The following NR2E3 variants were observed in gnomAD, a reference collection of about 807,000 sequenced individuals.
NR2E3 encodes nuclear receptor subfamily 2 group E member 3.
In NR2E3, 38 loss-of-function variants were observed where a neutral mutation model predicts 37.6. That is an observed-to-expected ratio of 1.01 (90% CI 0.78 to 1.33). The LOEUF (loss-of-function observed/expected upper bound fraction) is 1.33, where lower values mean the gene tolerates loss of function less well. NR2E3 is among the 40% of genes most tolerant of loss of function. The probability of loss-of-function intolerance (pLI) is 0.00; values close to 1 mark genes in which losing one functional copy is unlikely to be tolerated. For missense variants in NR2E3, 562 were observed against 558.7 expected (o/e 1.01, Z -0.06); for synonymous variants, 235 against 225.1 (o/e 1.04, Z -0.39).
chr15:71,812,258 C>T, intron 4 of NR2E3, 78 bp from the exon 5 acceptor site: 1 of 1,609,658 alleles, frequency 6.2e-7, no homozygotes, highest in Non-Finnish European at 8.5e-7. Context: ...CCTTGATCCT[C>T]CCTCCCCCGG....
Position 71,811,457 on chromosome 15 carries a change from G to GCCCAGCCCTGCCCCCTGC in NR2E3, c.119-22_119-5dup. ...CCTGCCCCGGCCCAGCCCTGCCCTG[G>GCCCAGCCCTGCCCCCTGC]CCCAGCCCTGCCCCCTGCCCCTCAG... On this transcript the variant is annotated intron_variant, in intron 1 of 7. Coordinates refer to ENST00000617575, the MANE Select transcript of NR2E3 (RefSeq NM_014249.4). The surrounding 1 kb of genome is among the most constrained non-coding windows in gnomAD (Gnocchi z 5.6). 2.0e-6 allele frequency: 3 copies of GCCCAGCCCTGCCCCCTGC among 1,536,322 alleles called. No individual in the cohort carries two copies. Among genetic ancestry groups the GCCCAGCCCTGCCCCCTGC allele is most frequent in the South Asian group, 1.2e-5 (1 of 83,846 alleles).
rs754663006 is a variant in NR2E3 at position 71,812,471 on chromosome 15, A to C, written c.707A>C (p.Lys236Thr). The change falls in exon 5 of 8, where the codon AAG becomes ACG. Residue 236 changes from lysine (K) to threonine (T), a missense_variant. Coordinates refer to ENST00000617575, the MANE Select transcript of NR2E3 (RefSeq NM_014249.4). ...RLLFMAVKWA[K>T]NLPVFSSLPF... is the part of the protein sequence containing the mutation. Reference sequence around the variant, plus strand: ...CTCTTCATGGCCGTCAAGTGGGCCAAGAACCTGCCTGTGTTCTCCAGCCTG... The same window carrying C: ...CTCTTCATGGCCGTCAAGTGGGCCACGAACCTGCCTGTGTTCTCCAGCCTG... The C allele has an allele frequency of 6.8e-6, 11 of 1,613,620 alleles. No individual in the cohort carries two copies. The highest frequency in any genetic ancestry group is 4.4e-5 in the South Asian group (4 of 91,076).
At chr15:71,814,709 G>A in intron 7 of NR2E3, 1 of 987,078 alleles carries the variant, frequency 1.0e-6, no homozygotes, top group Non-Finnish European at 1.2e-6. Context: ...TCCGAGCAGA[G>A]GGTCATACAC....
chr15:71,813,434 G>A lies in NR2E3; in HGVS notation c.793G>A (p.Ala265Thr). 6.2e-7 allele frequency: 1 copy of A among 1,610,464 alleles called. No homozygotes were observed. Reference sequence around the variant, plus strand: ...GTGGAGTGAACTCTTTCTCCTCGGGGCCATCCAGTGGTCTCTGCCTCTGGA... The same window carrying A: ...GTGGAGTGAACTCTTTCTCCTCGGGACCATCCAGTGGTCTCTGCCTCTGGA... ...EAWSELFLLG[A>T]IQWSLPLDSC... Residue 265 changes from alanine to threonine, a missense_variant, in exon 6 of 8, where the codon GCC (alanine) becomes ACC (threonine). Physicochemically the swap from Ala to Thr is moderately conservative, Grantham distance 58. Coordinates refer to ENST00000617575, the MANE Select transcript of NR2E3 (RefSeq NM_014249.4). The surrounding 1 kb of genome is among the most constrained non-coding windows in gnomAD (Gnocchi z 4.7).
Position 71,817,914 on chromosome 15 carries a change from T to A in NR2E3, c.*230T>A. The stretch of plus-strand genomic sequence containing the variant: ...TGTGGTATATTCATATAATGAAAAA[T>A]AATTTAAAAAGAATGAATTACGGAT... On this transcript the variant is annotated 3_prime_UTR_variant, in exon 8 of 8. Transcript: ENST00000617575. The A allele has an allele frequency of 2.8e-6, 1 of 353,004 alleles. No homozygotes were observed. The highest frequency in any genetic ancestry group is 5.1e-6 in the Non-Finnish European group (1 of 194,604). 21.9% of individuals were successfully genotyped at this position (353,004 alleles called of 1,614,324 possible). A position where few individuals can be genotyped will look rare whatever the true frequency, so the allele number is the denominator to read the frequency against.
Position 71,811,831 on chromosome 15 carries a change from G to T in NR2E3, c.311G>T (p.Arg104Leu). Reference protein sequence around the residue: ...KAHRNQCQACRLKKCLQAGMN... With the variant: ...KAHRNQCQACLLKKCLQAGMN... The stretch of plus-strand genomic sequence containing the variant: ...CACCGCAACCAGTGCCAGGCCTGCC[G>T]GCTGAAGAAGTGCCTGCAGGCGGGG... Residue 104 changes from arginine to leucine, a missense_variant, in exon 3 of 8, where the codon CGG becomes CTG. Transcript: ENST00000617575. The surrounding 1 kb of genome is among the most constrained non-coding windows in gnomAD (Gnocchi z 5.6). The T allele has an allele frequency of 6.4e-7, 1 of 1,551,396 alleles. No homozygotes were observed. Among genetic ancestry groups the T allele is most frequent in the Non-Finnish European group, 8.7e-7 (1 of 1,147,036 alleles).
chr15:71,817,584 T>C lies in NR2E3; in HGVS notation c.1133T>C (p.Leu378Ser), dbSNP rs1417256865. 6.2e-7 allele frequency: 1 copy of C among 1,602,746 alleles called. No individual in the cohort carries two copies. Among genetic ancestry groups the C allele is most frequent in the East Asian group, 2.2e-5 (1 of 44,530 alleles). Residue 378 changes from leucine to serine, a missense_variant, in exon 8 of 8, where the codon TTG becomes TCG. Leu to Ser is a moderately radical substitution (Grantham distance 145, BLOSUM62 -2). Transcript: ENST00000617575. The stretch of plus-strand genomic sequence containing the variant: ...AAATTGCTCCTGCTCCTCCCGTCTT[T>C]GAGGTTTATCACTGCGGAACGCATC... ...FGKLLLLLPS[L>S]RFITAERIEL... is the part of the protein sequence containing the mutation.
chr15:71,812,167 C>A lies in NR2E3; in HGVS notation c.562C>A (p.Pro188Thr). 2 of 1,580,364 alleles carry A rather than the reference C, an allele frequency of 1.3e-6. No individual in the cohort carries two copies. Among genetic ancestry groups the A allele is most frequent in the Non-Finnish European group, 1.7e-6 (2 of 1,163,762 alleles). Reference sequence around the variant, plus strand: ...AGCTGAAACCTGTGCTAAGCTGGAGCCAGAGGATGGTGAGTGGGAGAGCAG... The same window carrying A: ...AGCTGAAACCTGTGCTAAGCTGGAGACAGAGGATGGTGAGTGGGAGAGCAG... ...ITAETCAKLE[P>T]EDADENIDVT... is the part of the protein sequence containing the mutation. The change falls in exon 4 of 8, where the codon CCA (proline) becomes ACA (threonine). Residue 188 changes from proline (P) to threonine (T), a missense_variant. Transcript: ENST00000617575.
At position 71,813,349 on chromosome 15, in the gene NR2E3, CTG is replaced by C. The variant is rs758698170; in HGVS notation, c.748-34_748-33del. ...GAGGCTCCAGACTGAGCCAGAGAAG[CTG>C]TGTGTCTGCCATAACAGGCACCCCT... On this transcript the variant is annotated intron_variant, in intron 5 of 7. Transcript: ENST00000617575. This position sits in a 1 kb window ranked among gnomAD's most constrained non-coding sequence, Gnocchi z 4.7. 3.1e-6 allele frequency: 5 copies of C among 1,598,824 alleles called. No homozygotes were observed. The highest frequency in any genetic ancestry group is 3.4e-5 in the Admixed American group (2 of 58,094).
intron 7 of NR2E3, among the ~76,000 whole-genome samples, chr15:71,816,739 A>T (rs1008674496): frequency 3.3e-5 from 5 of 152,100 alleles, no homozygotes; most frequent in African/African-American, 1.2e-4. Context: ...TCATATAATT[A>T]TAATACTTAT....
chr15:71,814,369 C>A, intron 7 of NR2E3: 1 of 1,284,654 alleles, frequency 7.8e-7, no homozygotes, highest in Non-Finnish European at 9.8e-7. Flanking sequence ...ACTGCCCTAG[C>A]CAGGTACTGA....
Position 71,817,773 on chromosome 15 carries a change from C to G in NR2E3, c.*89C>G. The G allele has an allele frequency of 1.5e-6, 2 of 1,290,600 alleles. No individual in the cohort carries two copies. Among genetic ancestry groups the G allele is most frequent in the Non-Finnish European group, 2.2e-6 (2 of 923,186 alleles). 79.9% of individuals were successfully genotyped at this position (1,290,600 alleles called of 1,614,324 possible). A position where few individuals can be genotyped will look rare whatever the true frequency, so the allele number is the denominator to read the frequency against. ...CCTACTCTTTGCCCCAGCAATTCCT[C>G]GTAGGTGTGTGTACCCAGCAGAAAT... On this transcript the variant is annotated 3_prime_UTR_variant, in exon 8 of 8. Transcript: ENST00000617575.
chr15:71,810,770 G>A lies in NR2E3; in HGVS notation c.27G>A (p.Met9Ile). 3 of 1,575,770 alleles carry A rather than the reference G, an allele frequency of 1.9e-6. No individual in the cohort carries two copies. The highest frequency in any genetic ancestry group is 2.6e-6 in the Non-Finnish European group (3 of 1,161,306). METRPTAL[M>I]SSTVAAAAPA... ...TGGAGACCAGACCAACAGCTCTGAT[G>A]AGCTCCACAGTGGCTGCAGCTGCGC... Residue 9 changes from methionine to isoleucine, a missense_variant, in exon 1 of 8, where the codon ATG becomes ATA. Transcript: ENST00000617575.
intron 7 of NR2E3, among the ~76,000 whole-genome samples, chr15:71,816,590 A>T (rs199825929): frequency 1.0e-5 from 1 of 96,454 alleles, no homozygotes; most frequent in African/African-American, 3.5e-5. Flanking sequence ...AACAATAAAT[A>T]TTTTTTTCAA....
At chr15:71,817,259 C>T (rs192050134) in intron 7 of NR2E3, among the ~76,000 whole-genome samples, 8 of 151,928 alleles carry the variant, frequency 5.3e-5, no homozygotes, top group Admixed American at 1.3e-4. Flanking sequence ...CCACCACGCC[C>T]GGCTAATTTT....
chr15:71,817,568 C>T lies in NR2E3; in HGVS notation c.1117C>T (p.Leu373=). 1.3e-6 allele frequency: 2 copies of T among 1,597,238 alleles called. No individual in the cohort carries two copies. The highest frequency in any genetic ancestry group is 1.7e-6 in the Non-Finnish European group (2 of 1,166,514). ...SQPVRFGKLL[L]LLPSLRFITA... is the part of the protein sequence containing the mutation. ...CCTGTTCAGGTTTGGGAAATTGCTC[C>T]TGCTCCTCCCGTCTTTGAGGTTTAT... Residue 373 remains leucine, a synonymous_variant, in exon 8 of 8, where the codon CTG becomes TTG. Transcript: ENST00000617575.
At position 71,813,559 on chromosome 15, in the gene NR2E3, T is replaced by G. The variant is rs1372522601; in HGVS notation, c.918T>G (p.Thr306=). 1 of 1,613,802 alleles carries G rather than the reference T, an allele frequency of 6.2e-7. No individual in the cohort carries two copies. Among genetic ancestry groups the G allele is most frequent in the African/African-American group, 1.3e-5 (1 of 74,934 alleles). ...ASMETRVLQE[T]ISRFRALAVD... is the part of the protein sequence containing the mutation. ...TGGAGACGCGTGTCCTGCAGGAAAC[T>G]ATCTCTCGGTTCCGGGCATTGGCGG... is the stretch of plus-strand genomic sequence containing the variant. Residue 306 remains threonine (T), a synonymous_variant, in exon 6 of 8, where the codon ACT becomes ACG. Transcript: ENST00000617575. This position sits in a 1 kb window ranked among gnomAD's most constrained non-coding sequence, Gnocchi z 4.7.
In NR2E3 at chr15:71,817,671, T is replaced by C. The variant is rs1303613101; in HGVS notation, c.1220T>C (p.Met407Thr). The C allele has an allele frequency of 1.2e-6, 2 of 1,602,040 alleles. No individual in the cohort carries two copies. The highest frequency in any genetic ancestry group is 1.7e-6 in the Non-Finnish European group (2 of 1,169,934). ...CCAATGGAGAAGCTCCTTTGTGATA[T>C]GTTCAAAAACTAGTGGGGGTGGAGG... ...NTPMEKLLCD[M>T]FKN Residue 407 changes from methionine (M) to threonine (T), a missense_variant, in exon 8 of 8, where the codon ATG becomes ACG. By Grantham distance (81) the Met-to-Thr change is moderately conservative. Transcript: ENST00000617575.
In NR2E3 at chr15:71,817,911, A is replaced by G. The variant is rs2054240008; in HGVS notation, c.*227A>G. The G allele has an allele frequency of 2.8e-6, 1 of 354,752 alleles. No homozygotes were observed. Among genetic ancestry groups the G allele is most frequent in the African/African-American group, 2.0e-5 (1 of 48,944 alleles). The allele number at this position is 354,752 out of a possible 1,614,324, so 22.0% of individuals were successfully genotyped here. A position where few individuals can be genotyped will look rare whatever the true frequency, so the allele number is the denominator to read the frequency against. ...AGTTGTGGTATATTCATATAATGAA[A>G]AATAATTTAAAAAGAATGAATTACG... On this transcript the variant is annotated 3_prime_UTR_variant, in exon 8 of 8. Coordinates refer to ENST00000617575, the MANE Select transcript of NR2E3 (RefSeq NM_014249.4).
Sources: gnomAD v4.1 joint callset for allele counts (sites outside exome capture counted in the v4.1 genomes callset) on GRCh38, gnomAD v4.1.1 for gene constraint, Gnocchi (gnomAD v3.1) non-coding constraint, MANE v1.5 for transcripts, NCBI Gene and HGNC (gene_info 2026-07-23, HGNC 2026-07-21) for gene names.